The following USF3 variants were observed in gnomAD, a reference collection of about 807,000 sequenced individuals.
USF3 encodes basic helix-loop-helix domain-containing protein USF3.
In USF3, 29 loss-of-function variants were observed where a neutral mutation model predicts 157.5. The observed-to-expected ratio is 0.18, with a 90% CI of 0.14 to 0.25. The LOEUF (loss-of-function observed/expected upper bound fraction) is 0.25. USF3 is among the 10% of genes least tolerant of loss of function. The pLI is 1.00. For missense variants in USF3, 2,381 were observed against 2,667.6 expected (o/e 0.89, Z 2.37); for synonymous variants, 893 against 941.4 (o/e 0.95, Z 0.94).
chr3:113,656,215 A>G lies in USF3; in HGVS notation c.5467T>C (p.Leu1823=). 1.1e-5 allele frequency: 17 copies of G among 1,614,154 alleles called. No individual in the cohort carries two copies. Among genetic ancestry groups the G allele is most frequent in the Non-Finnish European group, 1.4e-5 (17 of 1,180,024 alleles). ...TGATCACTGAGGTGAGGGGCAAGTA[A>G]GCTCTGCATGAAACTTTGGTGACAA... The part of the protein sequence containing the change: ...NTCHQSFMQS[L]LAPHLSDQVI... The change falls in exon 7 of 7, where the codon TTA becomes CTA. Residue 1823 remains leucine (L), a synonymous_variant. Transcript: ENST00000316407.
chr3:113,682,947 G>A (rs1179434498), intron 1 of USF3, among the ~76,000 whole-genome samples: 2 of 140,658 alleles, frequency 1.4e-5, no homozygotes, highest in Non-Finnish European at 3.0e-5. Context: ...TCTTTGGATT[G>A]GAGCATTTAG....
intron 1 of USF3, among the ~76,000 whole-genome samples, chr3:113,681,001 G>A (rs1707409580): frequency 6.6e-6 from 1 of 151,942 alleles, no homozygotes; most frequent in African/African-American, 2.4e-5. Flanking sequence ...TTTTGAGATA[G>A]ACTCTCACTC....
chr3:113,674,146 T>C (rs1202174920), intron 3 of USF3, among the ~76,000 whole-genome samples: 1 of 152,192 alleles, frequency 6.6e-6, no homozygotes, highest in African/African-American at 2.4e-5. Flanking sequence ...ATATGCATAT[T>C]AGCATTAATG....
At chr3:113,692,151 C>T (rs1432858290) in intron 1 of USF3, among the ~76,000 whole-genome samples, 2 of 152,158 alleles carry the variant, frequency 1.3e-5, no homozygotes, top group Non-Finnish European at 2.9e-5. Flanking sequence ...GAGGGTAGCT[C>T]ATCTCCTGCT....
At chr3:113,688,359 C>T (rs191223967) in intron 1 of USF3, among the ~76,000 whole-genome samples, 1 of 152,258 alleles carries the variant, frequency 6.6e-6, no homozygotes, top group Admixed American at 6.5e-5. Flanking sequence ...ACCTCGTGAT[C>T]CCCCCACCTT....
chr3:113,668,840 T>C lies in USF3; in HGVS notation c.159+1281A>G, dbSNP rs536062278. Among the ~76,000 whole-genome samples the C allele has an allele frequency of 2.0e-5, 3 of 152,002 alleles. No homozygotes were observed. The South Asian group carries it at 6.2e-4, about 32-fold the overall frequency. ...TATTGGAAATTAAAAATATAAGAGC[T>C]GCAATTAAAAACAGAAGAGCTGGAA... On this transcript the variant is annotated intron_variant, in intron 5 of 6. Transcript: ENST00000316407.
intron 1 of USF3, among the ~76,000 whole-genome samples, chr3:113,681,498 T>C (rs564108842): frequency 3.3e-5 from 5 of 151,992 alleles, no homozygotes; most frequent in Non-Finnish European, 7.4e-5. Context: ...ATTATAGTTT[T>C]ATTCCACTGT....
intron 1 of USF3, among the ~76,000 whole-genome samples, chr3:113,677,824 G>A (rs1707314768): frequency 6.6e-6 from 1 of 152,012 alleles, no homozygotes; most frequent in Admixed American, 6.6e-5. Flanking sequence ...CTTACATAAG[G>A]ACCTTCCCCT....
intron 6 of USF3, among the ~76,000 whole-genome samples, chr3:113,664,051 G>C (rs1420228911): frequency 1.3e-5 from 2 of 152,172 alleles, no homozygotes; most frequent in East Asian, 3.9e-4. Context: ...CTAGTATCAT[G>C]AGTTAGGCAA....
chr3:113,652,389 AG>A lies in USF3; in HGVS notation c.*2554del, dbSNP rs1202026653. 1.3e-5 allele frequency: 2 copies of A among 152,024 alleles called. No homozygotes were observed. The highest frequency in any genetic ancestry group is 4.8e-5 in the African/African-American group (2 of 41,374). The allele number at this position is 152,024 out of a possible 1,614,324, so 9.4% of individuals were successfully genotyped here. Reference sequence around the variant, plus strand: ...ACTACTGTGTTTATCTGTTGTCTTGAGTAACTTATTCATGAAGCTCTCCTAT... The same window carrying A: ...ACTACTGTGTTTATCTGTTGTCTTGATAACTTATTCATGAAGCTCTCCTAT... On this transcript the variant is annotated 3_prime_UTR_variant, in exon 7 of 7. Coordinates refer to ENST00000316407, the MANE Select transcript of USF3 (RefSeq NM_001009899.4).
At chr3:113,674,079 G>A (rs1559718275) in intron 3 of USF3, among the ~76,000 whole-genome samples, 1 of 152,112 alleles carries the variant, frequency 6.6e-6, no homozygotes, top group Admixed American at 6.5e-5. Flanking sequence ...CATTGCTAAA[G>A]GTGCTAGAAA....
rs766374797 is a variant in USF3, at chr3:113,658,645, T to A, written c.3037A>T (p.Lys1013Ter). ...GLTTLLSDLA[K>*]KKNPQKSSLS... is the part of the protein sequence containing the mutation. ...GATGATTTCTGAGGGTTTTTTTTTT[T>A]AGCAAGATCAGATAGCAATGTAGTT... Residue 1013 changes from lysine to a stop codon, truncating the protein, a stop_gained, in exon 7 of 7, where the codon AAA (lysine) becomes TAA (stop). Coordinates refer to ENST00000316407, the MANE Select transcript of USF3 (RefSeq NM_001009899.4). LOFTEE classifies it high-confidence loss of function. 1.2e-6 allele frequency: 2 copies of A among 1,613,954 alleles called. No homozygotes were observed. Among genetic ancestry groups the A allele is most frequent in the Non-Finnish European group, 1.7e-6 (2 of 1,179,962 alleles).
Position 113,649,806 on chromosome 3 carries a change from T to G in USF3, c.*5138A>C. 2 of 702,872 alleles carry G rather than the reference T, an allele frequency of 2.8e-6. No individual in the cohort carries two copies. Among genetic ancestry groups the G allele is most frequent in the Non-Finnish European group, 5.2e-6 (2 of 384,908 alleles). The allele number at this position is 702,872 out of a possible 1,614,324, so 43.5% of individuals were successfully genotyped here. On this transcript the variant is annotated 3_prime_UTR_variant, in exon 7 of 7. Transcript: ENST00000316407. Reference sequence around the variant, plus strand: ...ACGCTTCTTATCAGCATGGACTGACTCAATCTAAATTTGGTGTCCCCCCTC... The same window carrying G: ...ACGCTTCTTATCAGCATGGACTGACGCAATCTAAATTTGGTGTCCCCCCTC...
chr3:113,672,385 C>G (rs1707178432), intron 4 of USF3, among the ~76,000 whole-genome samples: 1 of 151,892 alleles, frequency 6.6e-6, no homozygotes, highest in Admixed American at 6.6e-5. Context: ...CTCGACCTCT[C>G]CAAGTGCTGG....
At chr3:113,664,930 G>C (rs764954851) in intron 5 of USF3, among the ~76,000 whole-genome samples, 12 of 152,174 alleles carry the variant, frequency 7.9e-5, no homozygotes, top group Admixed American at 4.6e-4. Context: ...ACATAACTAG[G>C]AAGTGGGTTA....
chr3:113,681,257 G>GT (rs763951365), intron 1 of USF3, among the ~76,000 whole-genome samples: 1 of 151,962 alleles, frequency 6.6e-6, no homozygotes, highest in Non-Finnish European at 1.5e-5. Context: ...GGGATTAAAG[G>GT]TATGAGCCAC....
intron 4 of USF3, among the ~76,000 whole-genome samples, chr3:113,673,028 CA>C (rs1707194836): frequency 6.6e-6 from 1 of 152,130 alleles, no homozygotes; most frequent in African/African-American, 2.4e-5. Flanking sequence ...GGAATTGCTG[CA>C]AAGATACATA....
chr3:113,656,494 G>A lies in USF3; in HGVS notation c.5188C>T (p.Arg1730Cys), dbSNP rs200008302. The A allele has an allele frequency of 1.2e-4, 200 of 1,614,144 alleles. 1 individual carries two copies. In the African/African-American group the frequency reaches 2.2e-3, roughly 17 times the overall value. ...TTAAACGTCTGACAATCAGAAAGGCGGATATCTGAGGCCACAGTATGGTCC... is the reference window on the plus strand; with the variant it reads ...TTAAACGTCTGACAATCAGAAAGGCAGATATCTGAGGCCACAGTATGGTCC... Reference protein sequence around the residue: ...RVDHTVASDIRLSDCQTFKPS... With the variant: ...RVDHTVASDICLSDCQTFKPS... Residue 1730 changes from arginine (R) to cysteine (C), a missense_variant, in exon 7 of 7, where the codon CGC becomes TGC. Physicochemically the swap from Arg to Cys is radical, Grantham distance 180. Coordinates refer to ENST00000316407, the MANE Select transcript of USF3 (RefSeq NM_001009899.4).
chr3:113,666,611 G>A (rs1217722795), intron 5 of USF3, among the ~76,000 whole-genome samples: 1 of 129,674 alleles, frequency 7.7e-6, no homozygotes, highest in Non-Finnish European at 1.6e-5. Context: ...CTGCTCTGTC[G>A]CCCGGGCTGG....
Sources: allele counts gnomAD v4.1 joint callset (sites outside exome capture counted in the v4.1 genomes callset), GRCh38; gene constraint gnomAD v4.1.1; transcripts MANE v1.5; gene names NCBI Gene and HGNC (gene_info 2026-07-23, HGNC 2026-07-21).